ARHGAP26: variants seen among roughly 807,000 people sequenced by gnomAD.
ARHGAP26 encodes Rho GTPase activating protein 26.
Under a neutral mutation model 104.8 loss-of-function variants are expected in ARHGAP26, and 38 were observed. The ratio of observed to expected loss-of-function variants is 0.36; its 90% confidence interval spans 0.28 to 0.48. ARHGAP26 has a LOEUF of 0.48. Ranked by LOEUF, ARHGAP26 falls within the 20% of genes least tolerant of loss-of-function variation. The pLI is 0.99. For synonymous variants in ARHGAP26, 341 were observed against 340.0 expected (o/e 1.00, Z -0.03); for missense variants, 704 against 947.9 (o/e 0.74, Z 3.38).
At chr5:143,092,818 C>T (rs1179867440) in intron 17 of ARHGAP26, among the ~76,000 whole-genome samples, 1 of 152,204 alleles carries the variant, frequency 6.6e-6, no homozygotes, top group African/African-American at 2.4e-5. Flanking sequence ...CACTTTAAGG[C>T]TTGACTGAGT....
intron 11 of ARHGAP26, among the ~76,000 whole-genome samples, chr5:142,968,897 G>C (rs1311332400): frequency 6.6e-6 from 1 of 152,108 alleles, no homozygotes; most frequent in Non-Finnish European, 1.5e-5. Flanking sequence ...ATTATCTTAT[G>C]CCACAATGTT....
intron 11 of ARHGAP26, among the ~76,000 whole-genome samples, chr5:143,005,774 C>A (rs1268368723): frequency 1.3e-5 from 2 of 152,196 alleles, no homozygotes; most frequent in African/African-American, 4.8e-5. Context: ...CAGCAAGCAG[C>A]AGTTTTTATT....
intron 1 of ARHGAP26, among the ~76,000 whole-genome samples, chr5:142,832,119 C>G (rs1339287062): frequency 6.6e-6 from 1 of 152,156 alleles, no homozygotes; most frequent in African/African-American, 2.4e-5. Flanking sequence ...TTCAGATGGT[C>G]ACAGATAATA....
At chr5:142,992,240 A>G (rs1598520901) in intron 11 of ARHGAP26, among the ~76,000 whole-genome samples, 1 of 152,086 alleles carries the variant, frequency 6.6e-6, no homozygotes, top group African/African-American at 2.4e-5. Flanking sequence ...GATTCCCATA[A>G]TAAGATAAAT....
chr5:142,839,195 C>T (rs1222953222), intron 1 of ARHGAP26, among the ~76,000 whole-genome samples: 1 of 152,156 alleles, frequency 6.6e-6, no homozygotes, highest in Non-Finnish European at 1.5e-5. Context: ...TGAGATGAGT[C>T]GTTTGAGTTT....
At chr5:142,857,035 C>G (rs1219484855) in intron 1 of ARHGAP26, among the ~76,000 whole-genome samples, 1 of 152,190 alleles carries the variant, frequency 6.6e-6, no homozygotes, top group Non-Finnish European at 1.5e-5. Flanking sequence ...CTCTTCCTGG[C>G]TTTCCTTGGT....
intron 20 of ARHGAP26, among the ~76,000 whole-genome samples, chr5:143,171,962 C>A (rs1161409972): frequency 2.0e-5 from 3 of 152,024 alleles, no homozygotes; most frequent in East Asian, 3.9e-4. Context: ...GTCTAATTGT[C>A]CCCTTAAGGG....
Position 142,772,792 on chromosome 5 carries a change from T to A in ARHGAP26, c.154+1877T>A, listed in dbSNP as rs968924266. 4 of 533,390 alleles carry A rather than the reference T, an allele frequency of 7.5e-6. No individual in the cohort carries two copies. In the African/African-American group the frequency reaches 7.7e-5, roughly 10 times the overall value. 33.0% of individuals were successfully genotyped at this position (533,390 alleles called of 1,614,324 possible). A position where few individuals can be genotyped will look rare whatever the true frequency, so the allele number is the denominator to read the frequency against. The stretch of plus-strand genomic sequence containing the variant: ...CTCACTTGCCCGGAATGGAACCTCT[T>A]GCACCAAGCCCTAGAATTTGGACTT... On this transcript the variant is annotated intron_variant, in intron 1 of 22. Transcript: ENST00000645722.
intron 1 of ARHGAP26, among the ~76,000 whole-genome samples, chr5:142,822,879 C>T (rs758054848): frequency 2.0e-5 from 3 of 152,110 alleles, no homozygotes; most frequent in Admixed American, 1.3e-4. Flanking sequence ...GTGCCAGGCA[C>T]GTGGGAGACC....
At chr5:143,074,311 C>T (rs1489877755) in intron 17 of ARHGAP26, among the ~76,000 whole-genome samples, 2 of 152,194 alleles carry the variant, frequency 1.3e-5, no homozygotes, top group Non-Finnish European at 2.9e-5. Flanking sequence ...TAAGGATCCA[C>T]TGACTTTTCG....
chr5:142,988,542 G>A (rs1279826981), intron 11 of ARHGAP26, among the ~76,000 whole-genome samples: 1 of 152,046 alleles, frequency 6.6e-6, no homozygotes, highest in Non-Finnish European at 1.5e-5. Context: ...GCTTTTGAAT[G>A]TGTTTGCTTT....
intron 11 of ARHGAP26, among the ~76,000 whole-genome samples, chr5:142,963,433 G>A (rs893698750): frequency 9.9e-5 from 15 of 151,870 alleles, no homozygotes; most frequent in African/African-American, 2.9e-4. Context: ...AGGAATTGCC[G>A]TACTGCTTTC....
At chr5:142,859,000 G>T (rs896155856) in intron 1 of ARHGAP26, among the ~76,000 whole-genome samples, 9 of 152,180 alleles carry the variant, frequency 5.9e-5, no homozygotes, top group Non-Finnish European at 8.8e-5. Flanking sequence ...GTGGGGCTGG[G>T]TATGGAGTGA....
intron 19 of ARHGAP26, among the ~76,000 whole-genome samples, chr5:143,139,420 TA>T (rs1335713011): frequency 6.6e-6 from 1 of 152,216 alleles, no homozygotes; most frequent in Non-Finnish European, 1.5e-5. Context: ...TCCTTCCCTA[TA>T]CTTTGTTATC....
intron 3 of ARHGAP26, among the ~76,000 whole-genome samples, chr5:142,876,776 C>CAA (rs34843524): frequency 4.7e-4 from 23 of 48,434 alleles, no homozygotes; most frequent in South Asian, 9.6e-4. Flanking sequence ...GACCCTGTGT[C>CAA]AAAAAAAAAA....
intron 11 of ARHGAP26, among the ~76,000 whole-genome samples, chr5:142,998,356 G>A (rs942309298): frequency 3.9e-5 from 6 of 152,142 alleles, no homozygotes; most frequent in Non-Finnish European, 7.3e-5. Context: ...AAGCACGATA[G>A]GAAAGGACCC....
chr5:143,006,189 T>A (rs939682826), intron 11 of ARHGAP26, among the ~76,000 whole-genome samples: 1 of 152,168 alleles, frequency 6.6e-6, no homozygotes, highest in Non-Finnish European at 1.5e-5. Context: ...GTAAGAAAGA[T>A]TCATAGAGAA....
intron 20 of ARHGAP26, among the ~76,000 whole-genome samples, chr5:143,172,054 C>A (rs1802853731): frequency 2.0e-5 from 3 of 152,166 alleles, no homozygotes; most frequent in Admixed American, 2.0e-4. Context: ...TGCAGGCAAC[C>A]ATCACATACA....
At chr5:142,995,686 C>G (rs1291875324) in intron 11 of ARHGAP26, among the ~76,000 whole-genome samples, 1 of 152,210 alleles carries the variant, frequency 6.6e-6, no homozygotes, top group African/African-American at 2.4e-5. Flanking sequence ...GATTACAAAT[C>G]ATTCTACTAT....
Sources: allele counts gnomAD v4.1 joint callset (sites outside exome capture counted in the v4.1 genomes callset), GRCh38; gene constraint gnomAD v4.1.1; transcripts MANE v1.5; gene names NCBI Gene and HGNC (gene_info 2026-07-23, HGNC 2026-07-21).